Variants in IPCEF1 observed in about 807,000 individuals in gnomAD.
The protein encoded by IPCEF1 is interactor protein for cytohesin exchange factors 1.
Under a neutral mutation model 50.9 loss-of-function variants are expected in IPCEF1, and 31 were observed. That is an observed-to-expected ratio of 0.61 (90% CI 0.46 to 0.82). The LOEUF (loss-of-function observed/expected upper bound fraction) is 0.82, where lower values mean the gene tolerates loss of function less well. Ranked by LOEUF, IPCEF1 falls within the 40% of genes least tolerant of loss-of-function variation. The probability of loss-of-function intolerance (pLI) is 0.00; values close to 1 mark genes in which losing one functional copy is unlikely to be tolerated. For missense variants in IPCEF1, 458 were observed against 514.0 expected, an observed-to-expected ratio of 0.89 and a Z score of 1.05; for synonymous variants, 181 against 192.0, an observed-to-expected ratio of 0.94 and a Z score of 0.47.
intron 1 of IPCEF1, among the ~76,000 whole-genome samples, chr6:154,310,967 A>G (rs950704189): frequency 5.3e-5 from 8 of 152,112 alleles, no homozygotes; most frequent in Non-Finnish European, 7.4e-5. Context: ...AGTTAATAAT[A>G]ATGTATTGTA....
intron 2 of IPCEF1, among the ~76,000 whole-genome samples, chr6:154,278,136 A>T (rs564763721): frequency 6.6e-6 from 1 of 152,322 alleles, no homozygotes; most frequent in East Asian, 1.9e-4. Flanking sequence ...ACAAACGTTG[A>T]AATTATTATT....
chr6:154,272,248 C>T lies in IPCEF1; in HGVS notation c.-17-6284G>A, dbSNP rs182782215. ...AATTACCTAGAATGGGAGCTATTAC[C>T]TAGAAATAGCTTCATTATACAAAAC... On this transcript the variant is annotated intron_variant, in intron 2 of 11. Coordinates refer to ENST00000367220, the MANE Select transcript of IPCEF1 (RefSeq NM_001130700.2). Among the ~76,000 whole-genome samples, 5 of 152,292 alleles carry T rather than the reference C, an allele frequency of 3.3e-5. No homozygotes were observed. In the East Asian group the frequency reaches 5.8e-4, roughly 18 times the overall value.
rs374571338 is a variant in IPCEF1 at position 154,167,869 on chromosome 6, G to A, written c.1104+51C>T. 2.1e-5 allele frequency: 29 copies of A among 1,376,754 alleles called. No individual in the cohort carries two copies. The African/African-American group carries it at 2.7e-4, about 13-fold the overall frequency. 85.3% of individuals were successfully genotyped at this position (1,376,754 alleles called of 1,614,324 possible). On this transcript the variant is annotated intron_variant, in intron 11 of 11. Coordinates refer to ENST00000367220, the MANE Select transcript of IPCEF1 (RefSeq NM_001130700.2). ...CAAGAATCTCTCTGCAGAACCAGCCGTTCCTTGCCCCACATCCATAGAGTT... is the reference window on the plus strand; with the variant it reads ...CAAGAATCTCTCTGCAGAACCAGCCATTCCTTGCCCCACATCCATAGAGTT...
chr6:154,295,770 G>A (rs1382917130), intron 1 of IPCEF1, among the ~76,000 whole-genome samples: 3 of 152,106 alleles, frequency 2.0e-5, no homozygotes, highest in Non-Finnish European at 4.4e-5. Flanking sequence ...CCAGGGCTTT[G>A]GGACTCTTGC....
intron 5 of IPCEF1, among the ~76,000 whole-genome samples, chr6:154,234,427 C>T (rs1234171417): frequency 6.6e-6 from 1 of 152,160 alleles, no homozygotes; most frequent in African/African-American, 2.4e-5. Context: ...CTCAAGTAAA[C>T]TGCTAGCACC....
At chr6:154,269,089 G>A (rs949678664) in intron 2 of IPCEF1, among the ~76,000 whole-genome samples, 1 of 152,100 alleles carries the variant, frequency 6.6e-6, no homozygotes, top group African/African-American at 2.4e-5. Flanking sequence ...CTTATTTGCT[G>A]CTGTGTCCTC....
At chr6:154,248,439 G>C (rs536005656) in intron 3 of IPCEF1, among the ~76,000 whole-genome samples, 9 of 151,782 alleles carry the variant, frequency 5.9e-5, no homozygotes, top group African/African-American at 1.9e-4. Flanking sequence ...AACCTTTTCC[G>C]TTAACAGGTA....
chr6:154,298,961 T>C (rs1437723840), intron 1 of IPCEF1, among the ~76,000 whole-genome samples: 1 of 120,248 alleles, frequency 8.3e-6, no homozygotes, highest in Non-Finnish European at 1.8e-5. Context: ...AAACTCCATC[T>C]CAAAAAAAAA....
intron 2 of IPCEF1, among the ~76,000 whole-genome samples, chr6:154,282,946 G>A (rs558982483): frequency 5.3e-5 from 8 of 152,238 alleles, no homozygotes; most frequent in African/African-American, 1.7e-4. Flanking sequence ...CCCAAGGAGA[G>A]AGTGGAAAAA....
chr6:154,345,029 C>A (rs1166355931), intron 1 of IPCEF1, among the ~76,000 whole-genome samples: 1 of 152,138 alleles, frequency 6.6e-6, no homozygotes, highest in African/African-American at 2.4e-5. Flanking sequence ...GCCATCACAC[C>A]CAGCTAATTT....
intron 5 of IPCEF1, 79 bp from the exon 6 acceptor site, chr6:154,223,322 T>C (rs1322854602): frequency 1.4e-5 from 15 of 1,077,378 alleles, no homozygotes; most frequent in Middle Eastern, 1.9e-4. Flanking sequence ...ATACATGGAA[T>C]AGGGATGGTA....
intron 9 of IPCEF1, among the ~76,000 whole-genome samples, chr6:154,208,990 A>G (rs1726036371): frequency 6.6e-6 from 1 of 152,210 alleles, no homozygotes; most frequent in African/African-American, 2.4e-5. Context: ...AAGGAGGAAC[A>G]TAACATAAAA....
intron 1 of IPCEF1, among the ~76,000 whole-genome samples, chr6:154,307,768 G>A (rs1328950669): frequency 6.6e-6 from 1 of 152,076 alleles, no homozygotes; most frequent in African/African-American, 2.4e-5. Flanking sequence ...CATCTTTATT[G>A]CTAACTATAC....
At chr6:154,176,831 A>T (rs1384896446) in intron 10 of IPCEF1, among the ~76,000 whole-genome samples, 2 of 152,200 alleles carry the variant, frequency 1.3e-5, no homozygotes, top group African/African-American at 2.4e-5. Context: ...TATGAAACCA[A>T]GACAATCCTG....
chr6:154,244,314 G>GTGTT (rs1020252080), intron 5 of IPCEF1, among the ~76,000 whole-genome samples: 4 of 151,506 alleles, frequency 2.6e-5, no homozygotes, highest in Admixed American at 2.6e-4. Context: ...GTGTGTGTGT[G>GTGTT]TGTGTGTGTG....
chr6:154,331,425 G>GAGAGAAAGAAAAAGAA (rs1783669432), intron 1 of IPCEF1, among the ~76,000 whole-genome samples: 1 of 122,804 alleles, frequency 8.1e-6, no homozygotes, highest in South Asian at 2.7e-4. Context: ...AAAAGAAAGA[G>GAGAGAAAGAAAAAGAA]AGAGAGAGAA....
chr6:154,174,987 G>A (rs1209009415), intron 10 of IPCEF1, among the ~76,000 whole-genome samples: 1 of 152,196 alleles, frequency 6.6e-6, no homozygotes, highest in Non-Finnish European at 1.5e-5. Flanking sequence ...AGACCACAGT[G>A]CAATCAAATT....
At chr6:154,246,809 A>G in intron 4 of IPCEF1, 49 bp from the exon 5 acceptor site, 1 of 1,591,426 alleles carries the variant, frequency 6.3e-7, no homozygotes, top group Non-Finnish European at 8.6e-7. Context: ...CTGATTTGGT[A>G]GGTAAAGTAT....
rs533344456 is a variant in IPCEF1, at chr6:154,313,329, C to T, written c.-61-23573G>A. ...GGTGGAGGTTGCAGTGAGCTGAGAT[C>T]GCGCCACTCCACTCCATCTTGAGCA... On this transcript the variant is annotated intron_variant, in intron 1 of 11. Transcript: ENST00000367220. 6.0e-5 allele frequency among the ~76,000 whole-genome samples: 9 copies of T among 150,894 alleles called. No individual in the cohort carries two copies. In the South Asian group the frequency reaches 6.3e-4, roughly 11 times the overall value.
Sources: gnomAD v4.1 joint callset for allele counts (sites outside exome capture counted in the v4.1 genomes callset) on GRCh38, gnomAD v4.1.1 for gene constraint, MANE v1.5 for transcripts, NCBI Gene and HGNC (gene_info 2026-07-23, HGNC 2026-07-21) for gene names.